HS3ST4: variants seen among roughly 807,000 people sequenced by gnomAD.
HS3ST4 encodes heparan sulfate glucosamine 3-O-sulfotransferase 4.
HS3ST4 carries 17 observed loss-of-function variants against 29.2 expected under a neutral mutation model. The ratio of observed to expected loss-of-function variants is 0.58; its 90% CI spans 0.40 to 0.87. The LOEUF (loss-of-function observed/expected upper bound fraction) is 0.87, where lower values mean the gene tolerates loss of function less well. Ranked by LOEUF, HS3ST4 falls within the 40% of genes least tolerant of loss-of-function variation. The probability of loss-of-function intolerance (pLI) is 0.00; values close to 1 mark genes in which losing one functional copy is unlikely to be tolerated. For missense variants in HS3ST4, 627 were observed against 634.5 expected (o/e 0.99, Z 0.13); for synonymous variants, 314 against 285.7 (o/e 1.10, Z -1.00).
chr16:25,868,613 A>G (rs910506779), intron 1 of HS3ST4, among the ~76,000 whole-genome samples: 1 of 152,206 alleles, frequency 6.6e-6, no homozygotes, highest in Non-Finnish European at 1.5e-5. Flanking sequence ...TTCACCATGC[A>G]AGCAAACAGA....
At chr16:26,129,547 A>C (rs1899390147) in intron 1 of HS3ST4, among the ~76,000 whole-genome samples, 1 of 152,242 alleles carries the variant, frequency 6.6e-6, no homozygotes, top group Non-Finnish European at 1.5e-5. Flanking sequence ...TACTGCATTG[A>C]GAACTTACTC....
At chr16:25,806,464 A>G (rs1462220428) in intron 1 of HS3ST4, among the ~76,000 whole-genome samples, 2 of 152,116 alleles carry the variant, frequency 1.3e-5, no homozygotes, top group African/African-American at 4.8e-5. Context: ...GAGAAGTGGG[A>G]GTTACATCCA....
At chr16:26,031,448 A>G (rs556516854) in intron 1 of HS3ST4, among the ~76,000 whole-genome samples, 4 of 152,180 alleles carry the variant, frequency 2.6e-5, no homozygotes, top group Admixed American at 2.0e-4. Flanking sequence ...CTAGGAGGAC[A>G]TTTGTATTCC....
intron 1 of HS3ST4, among the ~76,000 whole-genome samples, chr16:25,891,860 T>G (rs1293343074): frequency 6.6e-6 from 1 of 152,216 alleles, no homozygotes; most frequent in Non-Finnish European, 1.5e-5. Context: ...ACTTCACCAC[T>G]TACTAGCTGA....
intron 1 of HS3ST4, among the ~76,000 whole-genome samples, chr16:26,112,770 G>A (rs2141804574): frequency 6.6e-6 from 1 of 152,018 alleles, no homozygotes; most frequent in South Asian, 2.1e-4. Context: ...AGAAACATAG[G>A]GAAAAATCTC....
intron 1 of HS3ST4, among the ~76,000 whole-genome samples, chr16:26,019,756 G>A (rs1969394008): frequency 6.6e-6 from 1 of 152,180 alleles, no homozygotes; most frequent in African/African-American, 2.4e-5. Context: ...ATATCAGTTT[G>A]TATATTTAAT....
intron 1 of HS3ST4, among the ~76,000 whole-genome samples, chr16:25,983,898 CTGTG>C (rs1969035375): frequency 9.8e-5 from 2 of 20,340 alleles, no homozygotes; most frequent in African/African-American, 3.5e-4. Flanking sequence ...TTTCTTGTGT[CTGTG>C]TTTGTGTGTG....
chr16:25,885,501 C>G (rs1967939850), intron 1 of HS3ST4, among the ~76,000 whole-genome samples: 1 of 152,120 alleles, frequency 6.6e-6, no homozygotes, highest in Non-Finnish European at 1.5e-5. Context: ...CCACCAAACA[C>G]TGCATATATT....
intron 1 of HS3ST4, among the ~76,000 whole-genome samples, chr16:25,718,390 A>G (rs1966471954): frequency 6.6e-6 from 1 of 152,102 alleles, no homozygotes; most frequent in African/African-American, 2.4e-5. Flanking sequence ...TTACCTTTAG[A>G]GTCTTGGAGC....
At chr16:25,890,233 G>T (rs959958745) in intron 1 of HS3ST4, among the ~76,000 whole-genome samples, 7 of 152,142 alleles carry the variant, frequency 4.6e-5, no homozygotes, top group Admixed American at 4.6e-4. Context: ...ATGGTAAGTA[G>T]CAGAGCCTGT....
intron 1 of HS3ST4, among the ~76,000 whole-genome samples, chr16:25,974,164 G>A (rs1968921667): frequency 6.6e-6 from 1 of 152,120 alleles, no homozygotes; most frequent in South Asian, 2.1e-4. Context: ...CTCTCTTTCT[G>A]AGAACTCACC....
intron 1 of HS3ST4, among the ~76,000 whole-genome samples, chr16:25,728,837 C>T (rs4787746): frequency 0.7 from 106,577 of 152,100 alleles, 39,207 homozygotes; most frequent in East Asian, 0.84. Context: ...AATCCCGACA[C>T]TTTGGGAGGC....
intron 1 of HS3ST4, among the ~76,000 whole-genome samples, chr16:26,058,074 G>C (rs778341212): frequency 3.3e-5 from 5 of 152,168 alleles, no homozygotes; most frequent in Non-Finnish European, 5.9e-5. Context: ...GGTGCCAATT[G>C]GGAGGCAACA....
intron 1 of HS3ST4, among the ~76,000 whole-genome samples, chr16:25,896,012 T>G (rs1253756346): frequency 6.6e-6 from 1 of 152,116 alleles, no homozygotes; most frequent in Non-Finnish European, 1.5e-5. Context: ...AGACTGGTTT[T>G]GGGAATGGGA....
At chr16:25,850,438 T>G (rs1967507557) in intron 1 of HS3ST4, among the ~76,000 whole-genome samples, 1 of 152,190 alleles carries the variant, frequency 6.6e-6, no homozygotes, top group African/African-American at 2.4e-5. Flanking sequence ...TGTGAAACTT[T>G]TCTAGAAATG....
intron 1 of HS3ST4, among the ~76,000 whole-genome samples, chr16:25,921,803 A>G (rs1968357878): frequency 6.8e-6 from 1 of 148,020 alleles, no homozygotes; most frequent in Non-Finnish European, 1.5e-5. Flanking sequence ...CACCCAGGCT[A>G]GAATACAGTG....
chr16:26,097,680 CT>C (rs1898942757), intron 1 of HS3ST4, among the ~76,000 whole-genome samples: 1 of 151,812 alleles, frequency 6.6e-6, no homozygotes, highest in Non-Finnish European at 1.5e-5. Flanking sequence ...TGGGCAAGGA[CT>C]TCATGACTAA....
chr16:26,045,415 C>T (rs1205180887), intron 1 of HS3ST4, among the ~76,000 whole-genome samples: 2 of 151,980 alleles, frequency 1.3e-5, no homozygotes, highest in Non-Finnish European at 2.9e-5. Context: ...CTGCTTTTAC[C>T]CAGAAGAGCC....
rs139050516 is a variant in HS3ST4, at chr16:25,859,494, G to A, written c.734+166343G>A. On this transcript the variant is annotated intron_variant, in intron 1 of 1. Coordinates refer to ENST00000331351, the MANE Select transcript of HS3ST4 (RefSeq NM_006040.3). ...TATGTGCTTTCCTGTAGACAGCTAA[G>A]TTATTTTATTTATCCAGTAACATTT... Among the ~76,000 whole-genome samples the A allele has an allele frequency of 3.6e-3, 550 of 152,264 alleles. 6 individuals are homozygous for A. The highest frequency in any genetic ancestry group is 3.4e-3 in the Middle Eastern group (1 of 294).
Sources: allele counts gnomAD v4.1 joint callset (sites outside exome capture counted in the v4.1 genomes callset), GRCh38; gene constraint gnomAD v4.1.1; transcripts MANE v1.5; gene names NCBI Gene and HGNC (gene_info 2026-07-23, HGNC 2026-07-21).